Variants in GPHN observed in about 807,000 individuals in gnomAD.
The protein encoded by GPHN is gephyrin.
GPHN carries 17 observed loss-of-function variants against 95.5 expected under a neutral mutation model. The observed-to-expected ratio is 0.18, with a 90% CI of 0.12 to 0.27. GPHN has a LOEUF of 0.27. Among genes scored for constraint, GPHN ranks in the 10% least tolerant of loss-of-function variants. GPHN has a pLI of 1.00. For synonymous variants in GPHN, 320 were observed against 322.5 expected (o/e 0.99, Z 0.08); for missense variants, 660 against 978.1 (o/e 0.67, Z 4.34).
At chr14:67,284,891 C>T in the GPHN span, among the ~76,000 whole-genome samples, 1 of 151,886 alleles carries the variant, frequency 6.6e-6, no homozygotes, top group Non-Finnish European at 1.5e-5. Context: ...TTTTTCCATT[C>T]GTCTAGGTTA....
At chr14:67,095,695 C>T (rs1379935289) in intron 12 of GPHN, among the ~76,000 whole-genome samples, 3 of 151,742 alleles carry the variant, frequency 2.0e-5, no homozygotes, top group East Asian at 3.9e-4. Flanking sequence ...AACCAAACAC[C>T]GCATGTTCTC....
At chr14:67,417,619 T>C in the GPHN span, among the ~76,000 whole-genome samples, 13 of 151,414 alleles carry the variant, frequency 8.6e-5, no homozygotes, top group African/African-American at 3.2e-4. Flanking sequence ...TTTTTTTTTG[T>C]AGAGATGGCC....
chr14:67,412,081 C>T, the GPHN span: 21 of 1,525,862 alleles, frequency 1.4e-5, no homozygotes, highest in Non-Finnish European at 1.8e-5. Context: ...CACGCCAGGG[C>T]CACCCCAGGT....
chr14:66,853,568 A>C (rs2062682799), intron 4 of GPHN, among the ~76,000 whole-genome samples: 1 of 151,922 alleles, frequency 6.6e-6, no homozygotes, highest in Non-Finnish European at 1.5e-5. Context: ...GTGCAGGGGA[A>C]CTCCCATTTA....
chr14:66,803,730 A>T (rs1442373964), intron 3 of GPHN, among the ~76,000 whole-genome samples: 3 of 150,608 alleles, frequency 2.0e-5, no homozygotes, highest in African/African-American at 7.3e-5. Context: ...CAGTTTGTGG[A>T]GGTTTTTTTA....
the GPHN span, among the ~76,000 whole-genome samples, chr14:67,231,104 T>C: frequency 2.6e-5 from 4 of 152,116 alleles, no homozygotes; most frequent in Non-Finnish European, 5.9e-5. Flanking sequence ...AGATATCCCC[T>C]GAAGATGAGG....
chr14:67,220,703 T>C, the GPHN span, among the ~76,000 whole-genome samples: 1 of 152,224 alleles, frequency 6.6e-6, no homozygotes, highest in African/African-American at 2.4e-5. Flanking sequence ...CAGGCTTTAT[T>C]TTAATTTGCA....
chr14:67,134,266 G>GT (rs1227687323), intron 17 of GPHN, among the ~76,000 whole-genome samples: 3 of 152,158 alleles, frequency 2.0e-5, no homozygotes, highest in Admixed American at 2.0e-4. Flanking sequence ...GGCTGTTAAA[G>GT]TAAGTATGTT....
chr14:67,033,029 TC>T (rs1177503031), intron 10 of GPHN, among the ~76,000 whole-genome samples: 2 of 151,628 alleles, frequency 1.3e-5, no homozygotes, highest in African/African-American at 4.9e-5. Context: ...CTAAACAAAA[TC>T]AGGAAACCAA....
intron 20 of GPHN, among the ~76,000 whole-genome samples, chr14:67,167,364 T>G (rs1851816980): frequency 6.6e-6 from 1 of 151,916 alleles, no homozygotes; most frequent in African/African-American, 2.4e-5. Context: ...GCTTTTTTAT[T>G]TGTTGGTTTG....
At chr14:67,114,794 G>C (rs1165757818) in intron 16 of GPHN, among the ~76,000 whole-genome samples, 1 of 152,154 alleles carries the variant, frequency 6.6e-6, no homozygotes, top group East Asian at 1.9e-4. Flanking sequence ...GCTTTTGTAG[G>C]TCTGGACTCA....
the GPHN span, chr14:67,392,978 C>A: frequency 2.3e-6 from 2 of 871,734 alleles, no homozygotes; most frequent in Middle Eastern, 3.5e-4. Flanking sequence ...GACTGAAGGC[C>A]ACACCTGCTG....
chr14:66,677,898 T>C (rs182701907), intron 1 of GPHN, among the ~76,000 whole-genome samples: 2 of 152,306 alleles, frequency 1.3e-5, no homozygotes, highest in East Asian at 3.9e-4. Context: ...TTTTTTGTTT[T>C]AGTACTTTGC....
the GPHN span, among the ~76,000 whole-genome samples, chr14:67,446,355 C>T: frequency 5.9e-5 from 9 of 152,206 alleles, no homozygotes; most frequent in East Asian, 1.7e-3. Flanking sequence ...CAAAGTTCAT[C>T]TCATTGAATA....
chr14:67,389,486 T>A, the GPHN span, among the ~76,000 whole-genome samples: 1 of 152,214 alleles, frequency 6.6e-6, no homozygotes, highest in Non-Finnish European at 1.5e-5. Flanking sequence ...CCCAGAGATT[T>A]GGCAATTCTT....
chr14:67,516,279 G>A, the GPHN span, among the ~76,000 whole-genome samples: 1 of 152,098 alleles, frequency 6.6e-6, no homozygotes, highest in Non-Finnish European at 1.5e-5. Flanking sequence ...ACCCTCTGGG[G>A]GTGTCCTTTT....
chr14:67,291,741 A>C, the GPHN span, among the ~76,000 whole-genome samples: 1 of 152,218 alleles, frequency 6.6e-6, no homozygotes, highest in Non-Finnish European at 1.5e-5. Context: ...TAGACCACAA[A>C]AGAAGTGCCT....
At chr14:67,353,021 C>A in the GPHN span, 2 of 1,613,564 alleles carry the variant, frequency 1.2e-6, no homozygotes, top group Non-Finnish European at 1.7e-6. Flanking sequence ...TTTAAACGAG[C>A]CTTCATGATG....
chr14:67,669,739 G>A, the GPHN span, among the ~76,000 whole-genome samples: 1 of 152,030 alleles, frequency 6.6e-6, no homozygotes, highest in African/African-American at 2.4e-5. Flanking sequence ...GTGAAAAAAT[G>A]CAGACACCCT....
Sources: allele counts gnomAD v4.1 joint callset (sites outside exome capture counted in the v4.1 genomes callset), GRCh38; gene constraint gnomAD v4.1.1; transcripts MANE v1.5; gene names NCBI Gene and HGNC (gene_info 2026-07-23, HGNC 2026-07-21).